GATB: variants seen among roughly 807,000 people sequenced by gnomAD.
GATB encodes the protein glutamyl-tRNA amidotransferase subunit B.
GATB carries 39 observed loss-of-function variants against 62.3 expected under a neutral mutation model. The observed-to-expected ratio is 0.63, with a 90% confidence interval of 0.48 to 0.82. The LOEUF is 0.82. Among genes scored for constraint, GATB ranks in the 40% least tolerant of loss-of-function variants. The pLI, the probability that GATB is intolerant of heterozygous loss-of-function variation, is 0.00. For missense variants in GATB, 670 were observed against 684.0 expected, an observed-to-expected ratio of 0.98 and a Z score of 0.23; for synonymous variants, 276 against 258.9, an observed-to-expected ratio of 1.07 and a Z score of -0.63.
chr4:151,732,068 C>CA (rs1739275274), intron 2 of GATB, among the ~76,000 whole-genome samples: 1 of 143,756 alleles, frequency 7.0e-6, no homozygotes, highest in South Asian at 2.2e-4. Context: ...GGGGTCAGCC[C>CA]CCGCCCGGCC....
intron 2 of GATB, among the ~76,000 whole-genome samples, chr4:151,735,292 C>T (rs531823985): frequency 2.0e-5 from 3 of 147,678 alleles, no homozygotes; most frequent in African/African-American, 7.4e-5. Context: ...CATGAATAGA[C>T]AATTCTCAAA....
intron 9 of GATB, among the ~76,000 whole-genome samples, chr4:151,697,705 T>C (rs1738498103): frequency 6.7e-6 from 1 of 148,720 alleles, no homozygotes; most frequent in Non-Finnish European, 1.5e-5. Flanking sequence ...ATTGCTTCTC[T>C]AGCTTATGTC....
Position 151,708,045 on chromosome 4 carries a change from C to A in GATB, c.820G>T (p.Gly274Cys). Residue 274 changes from glycine to cysteine, a missense_variant, in exon 6 of 13, where the codon GGC (glycine) becomes TGC (cysteine). Physicochemically the swap from Gly to Cys is radical, Grantham distance 159. Coordinates refer to ENST00000263985, the MANE Select transcript of GATB (RefSeq NM_004564.3). ...ISVHHPGEPL[G>C]VRTEVKNLNS... ...AGATTCTTCACTTCCGTTCGAACGC[C>A]CAAAGGCTCCCCAGGGTGATGCACG... 6.2e-7 allele frequency: 1 copy of A among 1,614,194 alleles called. No individual in the cohort carries two copies. Among genetic ancestry groups the A allele is most frequent in the Non-Finnish European group, 8.5e-7 (1 of 1,180,010 alleles).
chr4:151,733,318 T>C (rs1739305337), intron 2 of GATB, among the ~76,000 whole-genome samples: 2 of 152,046 alleles, frequency 1.3e-5, no homozygotes, highest in Non-Finnish European at 2.9e-5. Context: ...ATACAAAAGA[T>C]CATTCAAGGC....
chr4:151,673,031 C>A (rs978497727), intron 11 of GATB, 135 bp from the exon 12 acceptor site: 5 of 1,130,250 alleles, frequency 4.4e-6, no homozygotes, highest in Non-Finnish European at 6.2e-6. Context: ...CTGGGCCTGG[C>A]CCAAAGGGAA....
At position 151,670,953 on chromosome 4, in the gene GATB, G is replaced by T; in HGVS notation, c.*221C>A. On this transcript the variant is annotated 3_prime_UTR_variant, in exon 13 of 13. Transcript: ENST00000263985. Reference sequence around the variant, plus strand: ...AGCCTCACCGGACCCTCCTGATGTGGATGAAGCAGGCGGGGTGGCTGCTGG... The same window carrying T: ...AGCCTCACCGGACCCTCCTGATGTGTATGAAGCAGGCGGGGTGGCTGCTGG... The T allele has an allele frequency of 1.8e-6, 1 of 551,204 alleles. No individual in the cohort carries two copies. The highest frequency in any genetic ancestry group is 3.2e-6 in the Non-Finnish European group (1 of 309,890). 34.1% of individuals were successfully genotyped at this position (551,204 alleles called of 1,614,324 possible). A position where few individuals can be genotyped will look rare whatever the true frequency, so the allele number is the denominator to read the frequency against.
intron 2 of GATB, among the ~76,000 whole-genome samples, chr4:151,726,197 A>T (rs1389090053): frequency 6.6e-6 from 1 of 152,256 alleles, no homozygotes; most frequent in African/African-American, 2.4e-5. Context: ...ACAGGCCTTT[A>T]TCTTACTGCT....
intron 9 of GATB, among the ~76,000 whole-genome samples, chr4:151,697,395 A>T (rs1212157573): frequency 6.6e-6 from 1 of 151,892 alleles, no homozygotes; most frequent in Non-Finnish European, 1.5e-5. Context: ...CAAATACCAC[A>T]TGTTCTCACT....
At position 151,740,751 on chromosome 4, in the gene GATB, TG is replaced by T. The variant is rs113767622; in HGVS notation, c.327+18020del. On this transcript the variant is annotated intron_variant, in intron 2 of 12. Coordinates refer to ENST00000263985, the MANE Select transcript of GATB (RefSeq NM_004564.3). ...GAGCTTTGCCAGGCCTGCCGTAATT[TG>T]TTAAGTTCGGGAACTGTCCATGGAA... 9.2e-3 allele frequency among the ~76,000 whole-genome samples: 1,405 copies of T among 152,338 alleles called. 21 individuals are homozygous for T. The highest frequency in any genetic ancestry group is 0.032 in the African/African-American group (1,316 of 41,566).
At chr4:151,705,345 C>T in intron 6 of GATB, 76 bp from the exon 7 acceptor site, 1 of 864,878 alleles carries the variant, frequency 1.2e-6, no homozygotes, top group Non-Finnish European at 1.9e-6. Context: ...TAGAAACAAC[C>T]TTTCTCAATC....
intron 2 of GATB, among the ~76,000 whole-genome samples, chr4:151,734,785 A>C (rs909342413): frequency 7.9e-5 from 12 of 152,184 alleles, no homozygotes; most frequent in African/African-American, 2.9e-4. Context: ...CCACATCCTT[A>C]CAGTCAACTG....
rs1345471441 is a variant in GATB, at chr4:151,684,337, A to G, written c.1331+4293T>C. Reference sequence around the variant, plus strand: ...AACTAAACCAAATCTGTTACTCATAATTCAGAAGCTGTCAACCAAATAAAC... The same window carrying G: ...AACTAAACCAAATCTGTTACTCATAGTTCAGAAGCTGTCAACCAAATAAAC... On this transcript the variant is annotated intron_variant, in intron 10 of 12. Coordinates refer to ENST00000263985, the MANE Select transcript of GATB (RefSeq NM_004564.3). Among the ~76,000 whole-genome samples, 5 of 152,376 alleles carry G rather than the reference A, an allele frequency of 3.3e-5. No individual in the cohort carries two copies. In the East Asian group the frequency reaches 5.8e-4, roughly 18 times the overall value.
chr4:151,705,463 C>A (rs764941387), intron 6 of GATB, among the ~76,000 whole-genome samples, 194 bp from the exon 7 acceptor site: 4 of 152,092 alleles, frequency 2.6e-5, no homozygotes, highest in Non-Finnish European at 5.9e-5. Context: ...TTGGAAAGGG[C>A]CTTAGGAAGG....
At position 151,670,929 on chromosome 4, in the gene GATB, G is replaced by A. The variant is rs1737842838; in HGVS notation, c.*245C>T. ...GTGTTACTCCTTAACCACTGCTGCA[G>A]CCTCACCGGACCCTCCTGATGTGGA... On this transcript the variant is annotated 3_prime_UTR_variant, in exon 13 of 13. Coordinates refer to ENST00000263985, the MANE Select transcript of GATB (RefSeq NM_004564.3). 3 of 465,538 alleles carry A rather than the reference G, an allele frequency of 6.4e-6. No individual in the cohort carries two copies. Among genetic ancestry groups the A allele is most frequent in the African/African-American group, 1.9e-5 (1 of 52,258 alleles). The allele number at this position is 465,538 out of a possible 1,614,324, so 28.8% of individuals were successfully genotyped here.
chr4:151,672,115 T>A (rs1350282934), intron 12 of GATB, among the ~76,000 whole-genome samples: 1 of 152,112 alleles, frequency 6.6e-6, no homozygotes, highest in Non-Finnish European at 1.5e-5. Flanking sequence ...GGTATTATTC[T>A]GAAAAAGATG....
At chr4:151,705,357 CTAAGT>C in intron 6 of GATB, 88 bp from the exon 7 acceptor site, 1 of 751,120 alleles carries the variant, frequency 1.3e-6, no homozygotes, top group Admixed American at 2.6e-5. Flanking sequence ...TTCTCAATCT[CTAAGT>C]TAAAAAAAAA....
intron 9 of GATB, among the ~76,000 whole-genome samples, chr4:151,690,445 T>C (rs1365098023): frequency 3.3e-5 from 5 of 152,238 alleles, no homozygotes; most frequent in African/African-American, 7.2e-5. Context: ...GCTTAACTTA[T>C]GGAAAAGTAT....
At chr4:151,686,652 G>GCCCCC (rs374250502) in intron 10 of GATB, among the ~76,000 whole-genome samples, 4 of 70,908 alleles carry the variant, frequency 5.6e-5, no homozygotes, top group Non-Finnish European at 1.1e-4. Context: ...TCCCCGCCCC[G>GCCCCC]CCCCCCCCCC....
chr4:151,692,704 G>A (rs912605986), intron 9 of GATB, among the ~76,000 whole-genome samples: 3 of 152,034 alleles, frequency 2.0e-5, no homozygotes, highest in Non-Finnish European at 2.9e-5. Context: ...CCCTCCCCAC[G>A]CTACTGCTGC....
Sources: allele counts gnomAD v4.1 joint callset (sites outside exome capture counted in the v4.1 genomes callset), GRCh38; gene constraint gnomAD v4.1.1; transcripts MANE v1.5; gene names NCBI Gene and HGNC (gene_info 2026-07-23, HGNC 2026-07-21).